EPHA1: variants seen among roughly 807,000 people sequenced by gnomAD.
EPHA1 encodes the protein ephrin type-A receptor 1.
A neutral mutation model predicts 110.1 loss-of-function variants in EPHA1; 92 were observed. The ratio of observed to expected loss-of-function variants is 0.84; its 90% CI spans 0.71 to 0.99. EPHA1 has a LOEUF of 0.99. EPHA1 is among the 50% of genes least tolerant of loss of function. EPHA1 has a pLI of 0.00. For missense variants in EPHA1, 1,204 were observed against 1,285.4 expected (o/e 0.94, Z 0.97); for synonymous variants, 500 against 516.1 (o/e 0.97, Z 0.42).
chr7:143,398,379 C>G lies in EPHA1; in HGVS notation c.1406G>C (p.Gly469Ala). The change falls in exon 7 of 18, where the codon GGG (glycine) becomes GCG (alanine). Residue 469 changes from glycine to alanine, a missense_variant. Gly to Ala is a moderately conservative substitution (Grantham distance 60). Coordinates refer to ENST00000275815, the MANE Select transcript of EPHA1 (RefSeq NM_005232.5). ...CGCCCCAGGGCTTCGGGGCCGGGAC[C>G]CCGCCCAGGTCAGCTCTAGTTGCCT... ...EPRQLELTWA[G>A]SRPRSPGANL... 6.2e-7 allele frequency: 1 copy of G among 1,614,118 alleles called. No individual in the cohort carries two copies. The highest frequency in any genetic ancestry group is 8.5e-7 in the Non-Finnish European group (1 of 1,180,002).
intron 1 of EPHA1, 116 bp downstream of exon 1, chr7:143,408,608 C>A (rs1805622611): frequency 1.3e-5 from 4 of 298,212 alleles, no homozygotes; most frequent in African/African-American, 4.5e-5. Context: ...AGAGAGCTGG[C>A]GAGGGTCTCG....
chr7:143,393,721 T>C lies in EPHA1; in HGVS notation c.2646A>G (p.Gln882=). Residue 882 remains glutamine, a synonymous_variant, in exon 16 of 18, where the codon CAA becomes CAG. Coordinates refer to ENST00000275815, the MANE Select transcript of EPHA1 (RefSeq NM_005232.5). The surrounding 1 kb of genome is among the most constrained non-coding windows in gnomAD (Gnocchi z 5.6). ...HFQKLQAHLE[Q]LLANPHSLRT... ...GCAGGGAGTGGGGGTTGGCAAGCAG[T>C]TGCTCCAGATGTGCCTGAAGCTTCT... is the stretch of plus-strand genomic sequence containing the variant. 6.2e-7 allele frequency: 1 copy of C among 1,613,958 alleles called. No homozygotes were observed. The highest frequency in any genetic ancestry group is 8.5e-7 in the Non-Finnish European group (1 of 1,179,954).
chr7:143,404,931 C>G (rs1016837593), intron 2 of EPHA1, among the ~76,000 whole-genome samples: 1 of 151,902 alleles, frequency 6.6e-6, no homozygotes, highest in Non-Finnish European at 1.5e-5. Flanking sequence ...GGTTTCTACT[C>G]CATTATAATG....
At chr7:143,407,553 C>G in intron 2 of EPHA1, 58 bp downstream of exon 2, 1 of 1,555,886 alleles carries the variant, frequency 6.4e-7, no homozygotes. Flanking sequence ...ACCTCTCCAC[C>G]CCATTTCCCA....
chr7:143,397,233 C>T lies in EPHA1; in HGVS notation c.1771+71G>A, dbSNP rs188438809. The T allele has an allele frequency of 1.6e-4, 237 of 1,488,488 alleles. No individual in the cohort carries two copies. In the East Asian group the frequency reaches 4.4e-3, roughly 27 times the overall value. 92.2% of individuals were successfully genotyped at this position (1,488,488 alleles called of 1,614,324 possible). On this transcript the variant is annotated intron_variant, in intron 10 of 17. Transcript: ENST00000275815. ...TTGATCCCTTCCCAGTGGCATCTCC[C>T]AACACACACACACACGCACACACAG...
At chr7:143,407,289 C>A (rs1805578286) in intron 2 of EPHA1, among the ~76,000 whole-genome samples, 1 of 152,142 alleles carries the variant, frequency 6.6e-6, no homozygotes, top group Non-Finnish European at 1.5e-5. Flanking sequence ...CTGGTCTCAG[C>A]CTTCAACCAT....
rs577729690 is a variant in EPHA1, at chr7:143,398,382, G to A, written c.1403C>T (p.Ala468Val). The A allele has an allele frequency of 1.9e-5, 31 of 1,614,000 alleles. No homozygotes were observed. Among genetic ancestry groups the A allele is most frequent in the African/African-American group, 8.0e-5 (6 of 74,922 alleles). The change falls in exon 7 of 18, where the codon GCG (alanine) becomes GTG (valine). Residue 468 changes from alanine to valine, a missense_variant. By Grantham distance (64) the Ala-to-Val change is moderately conservative. Transcript: ENST00000275815. Reference protein sequence around the residue: ...KEPRQLELTWAGSRPRSPGAN... With the variant: ...KEPRQLELTWVGSRPRSPGAN... ...CCCAGGGCTTCGGGGCCGGGACCCC[G>A]CCCAGGTCAGCTCTAGTTGCCTCGG...
chr7:143,394,014 A>C, intron 15 of EPHA1, 150 bp from the exon 16 acceptor site: 1 of 1,229,736 alleles, frequency 8.1e-7, no homozygotes. Flanking sequence ...TGGGAGGATC[A>C]GGGTGGGAGG....
At chr7:143,407,495 G>A in intron 2 of EPHA1, 116 bp downstream of exon 2, 4 of 1,017,230 alleles carry the variant, frequency 3.9e-6, no homozygotes, top group Non-Finnish European at 5.9e-6. Flanking sequence ...CCCCCTCCCT[G>A]AGGAGACACT....
At chr7:143,400,159 G>A (rs948630584) in intron 3 of EPHA1, 106 bp from the exon 4 acceptor site, 3 of 1,343,054 alleles carry the variant, frequency 2.2e-6, no homozygotes, top group Non-Finnish European at 3.0e-6. Context: ...CATGAACACT[G>A]AGCCTTGTAT....
At chr7:143,402,097 T>TC (rs1457463024) in intron 2 of EPHA1, among the ~76,000 whole-genome samples, 239 of 150,700 alleles carry the variant, frequency 1.6e-3, no homozygotes, top group Non-Finnish European at 2.7e-3. Context: ...TTTCTTTCTT[T>TC]TTTTTTTTTT....
rs1191226865 is a variant in EPHA1 at position 143,408,793 on chromosome 7, A to C, written c.13T>G (p.Trp5Gly). 8.4e-7 allele frequency: 1 copy of C among 1,184,756 alleles called. No homozygotes were observed. Among genetic ancestry groups the C allele is most frequent in the Non-Finnish European group, 1.0e-6 (1 of 958,438 alleles). The allele number at this position is 1,184,756 out of a possible 1,614,324, so 73.4% of individuals were successfully genotyped here. The change falls in exon 1 of 18, where the codon TGG (tryptophan) becomes GGG (glycine). Residue 5 changes from tryptophan (W) to glycine (G), a missense_variant. Coordinates refer to ENST00000275815, the MANE Select transcript of EPHA1 (RefSeq NM_005232.5). ...AGCACCAGCCCTAGCCCCAGGGGCC[A>C]GCGCCGCTCCATAGCTCCGGGCCGG... MERR[W>G]PLGLGLVLLL...
intron 1 of EPHA1, among the ~76,000 whole-genome samples, chr7:143,408,388 G>C (rs188236272): frequency 1.1e-4 from 17 of 152,200 alleles, no homozygotes; most frequent in Admixed American, 9.8e-4. Flanking sequence ...CTCTGGGGTG[G>C]GCACCTGAAG....
chr7:143,395,329 G>C lies in EPHA1; in HGVS notation c.2073C>G (p.Val691=), dbSNP rs544450689. The C allele has an allele frequency of 6.2e-7, 1 of 1,614,140 alleles. No homozygotes were observed. The highest frequency in any genetic ancestry group is 1.7e-5 in the Admixed American group (1 of 60,016). The part of the protein sequence containing the change: ...SHPHILHLEG[V]VTKRKPIMII... ...GACCACTCATCGTACGCTTTGTGAC[G>C]ACGCCTTCCAGATGCAGAATATGCG... Residue 691 remains valine, a synonymous_variant, in exon 12 of 18, where the codon GTC becomes GTG. Transcript: ENST00000275815. This position sits in a 1 kb window ranked among gnomAD's most constrained non-coding sequence, Gnocchi z 4.7.
Position 143,393,634 on chromosome 7 carries a change from G to A in EPHA1, c.2696+37C>T. On this transcript the variant is annotated intron_variant, in intron 16 of 17. Coordinates refer to ENST00000275815, the MANE Select transcript of EPHA1 (RefSeq NM_005232.5). This position sits in a 1 kb window ranked among gnomAD's most constrained non-coding sequence, Gnocchi z 5.6. Reference sequence around the variant, plus strand: ...TGCCCATTTCCACTCTCCTAGCGCTGCCTCTGGGTTCCCTAGTCCTTCCCC... The same window carrying A: ...TGCCCATTTCCACTCTCCTAGCGCTACCTCTGGGTTCCCTAGTCCTTCCCC... 6.2e-7 allele frequency: 1 copy of A among 1,604,898 alleles called. No homozygotes were observed. The highest frequency in any genetic ancestry group is 1.1e-5 in the South Asian group (1 of 89,980).
At chr7:143,405,724 G>A (rs1441726370) in intron 2 of EPHA1, among the ~76,000 whole-genome samples, 1 of 152,152 alleles carries the variant, frequency 6.6e-6, no homozygotes, top group Non-Finnish European at 1.5e-5. Context: ...AACTATTAGG[G>A]CTGGATCTTC....
rs201356860 is a variant in EPHA1, at chr7:143,395,073, G to A, written c.2145+48C>T. On this transcript the variant is annotated intron_variant, in intron 13 of 17. Coordinates refer to ENST00000275815, the MANE Select transcript of EPHA1 (RefSeq NM_005232.5). This position sits in a 1 kb window ranked among gnomAD's most constrained non-coding sequence, Gnocchi z 4.7. The stretch of plus-strand genomic sequence containing the variant: ...GGCCAGGTCTCCTCCCAGTGCCCAG[G>A]GTACCATGGTGCATCCCCCTCCCCA... 6.2e-7 allele frequency: 1 copy of A among 1,613,884 alleles called. No homozygotes were observed. Among genetic ancestry groups the A allele is most frequent in the East Asian group, 2.2e-5 (1 of 44,852 alleles).
Position 143,394,579 on chromosome 7 carries a change from C to T in EPHA1, c.2352+229G>A, listed in dbSNP as rs191533819. ...GGGACTACAGGCGCCTGCCACCATG[C>T]CCAGCTAATTTTTTGTATTTTTAGT... On this transcript the variant is annotated intron_variant, in intron 14 of 17. Coordinates refer to ENST00000275815, the MANE Select transcript of EPHA1 (RefSeq NM_005232.5). Among the ~76,000 whole-genome samples, 200 of 152,226 alleles carry T rather than the reference C, an allele frequency of 1.3e-3. 1 individual carries two copies. Among genetic ancestry groups the T allele is most frequent in the African/African-American group, 4.4e-3 (183 of 41,536 alleles).
At position 143,401,265 on chromosome 7, in the gene EPHA1, C is replaced by G. The variant is rs1315211381; in HGVS notation, c.432+59G>C. 1.3e-5 allele frequency: 20 copies of G among 1,573,326 alleles called. No homozygotes were observed. Among genetic ancestry groups the G allele is most frequent in the Non-Finnish European group, 1.6e-5 (19 of 1,157,438 alleles). Reference sequence around the variant, plus strand: ...TGTCTCTGCAACCTTCTCTGGCACCCAATAAGGAGCCACCAGGGATCTGCA... The same window carrying G: ...TGTCTCTGCAACCTTCTCTGGCACCGAATAAGGAGCCACCAGGGATCTGCA... On this transcript the variant is annotated intron_variant, in intron 3 of 17. Transcript: ENST00000275815. This position sits in a 1 kb window ranked among gnomAD's most constrained non-coding sequence, Gnocchi z 4.1.
Sources: gnomAD v4.1 joint callset for allele counts (sites outside exome capture counted in the v4.1 genomes callset) on GRCh38, gnomAD v4.1.1 for gene constraint, Gnocchi (gnomAD v3.1) non-coding constraint, MANE v1.5 for transcripts, NCBI Gene and HGNC (gene_info 2026-07-23, HGNC 2026-07-21) for gene names.